The following PIP5K1B variants were observed in gnomAD, a reference collection of about 807,000 sequenced individuals.
PIP5K1B encodes phosphatidylinositol 4-phosphate 5-kinase type-1 beta.
A neutral mutation model predicts 67.0 loss-of-function variants in PIP5K1B; 42 were observed. That is an observed-to-expected ratio of 0.63 (90% CI 0.49 to 0.81). The LOEUF is 0.81. PIP5K1B is among the 30% of genes least tolerant of loss of function. The probability of loss-of-function intolerance (pLI) is 0.00; values close to 1 mark genes in which losing one functional copy is unlikely to be tolerated. For synonymous variants in PIP5K1B, 214 were observed against 231.4 expected (o/e 0.92, Z 0.68); for missense variants, 459 against 646.3 (o/e 0.71, Z 3.14).
intron 14 of PIP5K1B, chr9:68,966,363 G>A (rs1226078983): frequency 1.3e-5 from 2 of 152,126 alleles, no homozygotes; most frequent in African/African-American, 4.8e-5. Context: ...AGAGAAGCCT[G>A]GTAAACACTA....
chr9:68,712,728 T>C (rs1282103107), intron 1 of PIP5K1B, among the ~76,000 whole-genome samples: 1 of 152,224 alleles, frequency 6.6e-6, no homozygotes, highest in Non-Finnish European at 1.5e-5. Flanking sequence ...ACCACTTGTT[T>C]AGATGATAAA....
chr9:68,891,298 A>G (rs1037687632), intron 7 of PIP5K1B, among the ~76,000 whole-genome samples: 3 of 152,294 alleles, frequency 2.0e-5, no homozygotes, highest in Admixed American at 2.0e-4. Flanking sequence ...CCAATTATGT[A>G]AGCTAGTATA....
At chr9:68,926,147 A>G (rs1010888433) in intron 12 of PIP5K1B, among the ~76,000 whole-genome samples, 1 of 151,974 alleles carries the variant, frequency 6.6e-6, no homozygotes, top group African/African-American at 2.4e-5. Flanking sequence ...CCCTGTGCCA[A>G]GGTTGGAAAA....
chr9:68,861,888 TTTG>T (rs1402963050), intron 4 of PIP5K1B, among the ~76,000 whole-genome samples: 6 of 145,686 alleles, frequency 4.1e-5, no homozygotes, highest in African/African-American at 1.5e-4. Flanking sequence ...GGTTTTTTTG[TTTG>T]TTTGTTTTTT....
intron 15 of PIP5K1B, among the ~76,000 whole-genome samples, chr9:68,996,546 G>C (rs1830608446): frequency 6.6e-6 from 1 of 152,218 alleles, no homozygotes; most frequent in Admixed American, 6.5e-5. Context: ...AGGCTGTATT[G>C]ATTTAAAATG....
chr9:68,951,874 AT>A (rs749475658), intron 14 of PIP5K1B, among the ~76,000 whole-genome samples: 32 of 152,202 alleles, frequency 2.1e-4, no homozygotes, highest in Admixed American at 3.9e-4. Context: ...TCCTTTGGCA[AT>A]TACTTTGGTT....
chr9:68,994,222 A>G (rs1308458323), intron 15 of PIP5K1B, among the ~76,000 whole-genome samples: 1 of 151,494 alleles, frequency 6.6e-6, no homozygotes, highest in Non-Finnish European at 1.5e-5. Context: ...TCGTGTTTTC[A>G]CTAGAGACGG....
intron 6 of PIP5K1B, among the ~76,000 whole-genome samples, chr9:68,882,213 T>C (rs1824233256): frequency 6.6e-6 from 1 of 152,144 alleles, no homozygotes; most frequent in Non-Finnish European, 1.5e-5. Context: ...AATGTTCCCA[T>C]CTCTCCTCTT....
At chr9:68,740,647 C>T (rs1458277349) in intron 1 of PIP5K1B, among the ~76,000 whole-genome samples, 1 of 152,190 alleles carries the variant, frequency 6.6e-6, no homozygotes, top group African/African-American at 2.4e-5. Flanking sequence ...GCTCCTTTAG[C>T]AACTGAATTG....
chr9:68,918,908 T>TA (rs1304174997), intron 9 of PIP5K1B, among the ~76,000 whole-genome samples: 1 of 152,090 alleles, frequency 6.6e-6, no homozygotes, highest in Non-Finnish European at 1.5e-5. Flanking sequence ...ATTTAGCAAG[T>TA]AAAAAAATCA....
chr9:68,921,869 A>C (rs1369704119), intron 11 of PIP5K1B, among the ~76,000 whole-genome samples: 1 of 152,122 alleles, frequency 6.6e-6, no homozygotes, highest in Non-Finnish European at 1.5e-5. Flanking sequence ...ATAATAAATA[A>C]ATTAAAAAAT....
chr9:68,899,447 T>G (rs1825251814), intron 8 of PIP5K1B, among the ~76,000 whole-genome samples: 1 of 131,932 alleles, frequency 7.6e-6, no homozygotes, highest in Non-Finnish European at 1.6e-5. Context: ...AGAGGAATAA[T>G]CAGCTGTCTA....
At chr9:68,735,105 T>C (rs1185273519) in intron 1 of PIP5K1B, among the ~76,000 whole-genome samples, 1 of 152,188 alleles carries the variant, frequency 6.6e-6, no homozygotes, top group East Asian at 1.9e-4. Context: ...GGTCCTGATC[T>C]CTTGGAAGTT....
chr9:68,863,177 G>T (rs1369572464), intron 4 of PIP5K1B, among the ~76,000 whole-genome samples: 1 of 152,124 alleles, frequency 6.6e-6, no homozygotes, highest in Non-Finnish European at 1.5e-5. Flanking sequence ...ACCACCTCCA[G>T]TTGTGATTAC....
Position 68,735,316 on chromosome 9 carries a change from C to CTTTTT in PIP5K1B, c.-242-7161_-242-7157dup, listed in dbSNP as rs558810934. On this transcript the variant is annotated intron_variant, in intron 1 of 15. Coordinates refer to ENST00000265382, the MANE Select transcript of PIP5K1B (RefSeq NM_003558.4). ...CAGATTTGCTGTTTTCCCCTAGTGTCTTTTTTTTTTTTTTTTTTTTTTTTT... is the reference window on the plus strand; with the variant it reads ...CAGATTTGCTGTTTTCCCCTAGTGTCTTTTTTTTTTTTTTTTTTTTTTTTTTTTTT... Among the ~76,000 whole-genome samples, 10 of 29,806 alleles carry CTTTTT rather than the reference C, an allele frequency of 3.4e-4. 1 individual carries two copies. Among genetic ancestry groups the CTTTTT allele is most frequent in the African/African-American group, 9.2e-4 (7 of 7,598 alleles). 19.6% of individuals were successfully genotyped at this position (29,806 alleles called of 152,430 possible).
intron 14 of PIP5K1B, among the ~76,000 whole-genome samples, chr9:68,954,103 C>A (rs180698719): frequency 6.0e-4 from 91 of 152,192 alleles, no homozygotes; most frequent in African/African-American, 2.1e-3. Context: ...AAATAAAATC[C>A]TCCAGTCTTC....
At chr9:68,931,504 C>T (rs1026960133) in intron 12 of PIP5K1B, among the ~76,000 whole-genome samples, 1 of 152,104 alleles carries the variant, frequency 6.6e-6, no homozygotes, top group Non-Finnish European at 1.5e-5. Context: ...GCTAATATTT[C>T]TGCATATGCT....
At chr9:68,756,575 C>CT (rs1322194770) in intron 2 of PIP5K1B, among the ~76,000 whole-genome samples, 2 of 151,768 alleles carry the variant, frequency 1.3e-5, no homozygotes, top group Non-Finnish European at 2.9e-5. Flanking sequence ...AAAGAATTTT[C>CT]TTTTATCTTT....
At chr9:68,854,127 C>CTTTTT (rs36079285) in intron 4 of PIP5K1B, among the ~76,000 whole-genome samples, 3 of 106,998 alleles carry the variant, frequency 2.8e-5, no homozygotes, top group African/African-American at 1.1e-4. Flanking sequence ...AAACAGAAAA[C>CTTTTT]TTTTTTTTTT....
Sources: allele counts gnomAD v4.1 joint callset (sites outside exome capture counted in the v4.1 genomes callset), GRCh38; gene constraint gnomAD v4.1.1; transcripts MANE v1.5; gene names NCBI Gene and HGNC (gene_info 2026-07-23, HGNC 2026-07-21).